The following ZDHHC19 variants were observed in gnomAD, a reference collection of about 807,000 sequenced individuals.
The protein encoded by ZDHHC19 is zDHHC palmitoyltransferase 19, also known as palmitoyltransferase ZDHHC19.
Under a neutral mutation model 33.9 loss-of-function variants are expected in ZDHHC19, and 30 were observed. The ratio of observed to expected loss-of-function variants is 0.88; its 90% CI spans 0.66 to 1.20. The LOEUF (loss-of-function observed/expected upper bound fraction) is 1.20, where lower values mean the gene tolerates loss of function less well. ZDHHC19 is among the 50% of genes most tolerant of loss of function. The pLI is 0.00. For synonymous variants in ZDHHC19, 178 were observed against 167.6 expected, an observed-to-expected ratio of 1.06 and a Z score of -0.48; for missense variants, 364 against 401.1, an observed-to-expected ratio of 0.91 and a Z score of 0.79.
chr3:196,200,327 G>GATATATATATATATAT (rs374551956), intron 5 of ZDHHC19, among the ~76,000 whole-genome samples: 7 of 116,792 alleles, frequency 6.0e-5, no homozygotes, highest in Admixed American at 9.0e-5. Context: ...AAAATTTAGG[G>GATATATATATATATAT]ATATATATAT....
Position 196,203,983 on chromosome 3 carries a change from C to G in ZDHHC19, c.687+3415G>C, listed in dbSNP as rs1722549708. On this transcript the variant is annotated intron_variant, in intron 5 of 7. Transcript: ENST00000296326. The surrounding 1 kb of genome is among the most constrained non-coding windows in gnomAD (Gnocchi z 4.3). ...TTTTCCTAGAACAGCCAGTGACCTG[C>G]TGAAGGAGTCTCATGGCGCGGATGT... Among the ~76,000 whole-genome samples, 1 of 149,514 alleles carries G rather than the reference C, an allele frequency of 6.7e-6. No individual in the cohort carries two copies. The highest frequency in any genetic ancestry group is 6.6e-5 in the Admixed American group (1 of 15,228).
In ZDHHC19 at chr3:196,203,898, C is replaced by T. The variant is rs928875195; in HGVS notation, c.687+3500G>A. 5.9e-5 allele frequency among the ~76,000 whole-genome samples: 9 copies of T among 152,068 alleles called. No homozygotes were observed. Among genetic ancestry groups the T allele is most frequent in the Non-Finnish European group, 7.4e-5 (5 of 68,000 alleles). On this transcript the variant is annotated intron_variant, in intron 5 of 7. Coordinates refer to ENST00000296326, the MANE Select transcript of ZDHHC19 (RefSeq NM_001039617.2). The surrounding 1 kb of genome is among the most constrained non-coding windows in gnomAD (Gnocchi z 4.3). ...TGGGAGGTGGTGGGCAGAGAGGGCGCCTGTGTCCTTCCAGCTGTCTGATAC... is the reference window on the plus strand; with the variant it reads ...TGGGAGGTGGTGGGCAGAGAGGGCGTCTGTGTCCTTCCAGCTGTCTGATAC...
intron 5 of ZDHHC19, among the ~76,000 whole-genome samples, chr3:196,205,308 C>T (rs868431020): frequency 1.3e-5 from 2 of 152,064 alleles, no homozygotes; most frequent in African/African-American, 4.8e-5. Flanking sequence ...AATGCAATAC[C>T]GTACGGCAAT....
intron 6 of ZDHHC19, 94 bp downstream of exon 6, chr3:196,198,695 G>A: frequency 1.2e-6 from 2 of 1,602,848 alleles, no homozygotes; most frequent in East Asian, 2.2e-5. Context: ...AACAGTGAGT[G>A]TAAGGGCCTG....
At chr3:196,198,133 T>G in intron 7 of ZDHHC19, 143 bp downstream of exon 7, 1 of 782,738 alleles carries the variant, frequency 1.3e-6, no homozygotes, top group Non-Finnish European at 1.8e-6. Context: ...GCCCCTCCAG[T>G]GTAGAACCCT....
intron 4 of ZDHHC19, 24 bp from the exon 5 acceptor site, chr3:196,207,527 T>A: frequency 2.0e-6 from 3 of 1,523,672 alleles, no homozygotes; most frequent in Admixed American, 4.0e-5. Context: ...GGAACCGGGC[T>A]GCGGGACCCC....
intron 3 of ZDHHC19, 31 bp downstream of exon 3, chr3:196,209,345 A>G (rs1306835355): frequency 6.4e-7 from 1 of 1,571,848 alleles, no homozygotes; most frequent in African/African-American, 1.4e-5. Context: ...ATGTGGGGCG[A>G]TGGCTGGTGG....
At chr3:196,205,348 C>G (rs1722651589) in intron 5 of ZDHHC19, among the ~76,000 whole-genome samples, 1 of 152,108 alleles carries the variant, frequency 6.6e-6, no homozygotes, top group Non-Finnish European at 1.5e-5. Context: ...CTATGAGCAA[C>G]AACATGAATG....
rs1428589983 is a variant in ZDHHC19 at position 196,198,787 on chromosome 3, AC to A, written c.773+1del. 6.2e-7 allele frequency: 1 copy of A among 1,613,892 alleles called. No individual in the cohort carries two copies. Among genetic ancestry groups the A allele is most frequent in the Non-Finnish European group, 8.5e-7 (1 of 1,179,962 alleles). On this transcript the variant is annotated splice_donor_variant, in intron 6 of 7. Transcript: ENST00000296326. LOFTEE classifies it high-confidence loss of function. Reference sequence around the variant, plus strand: ...AGTTGGGCCTCTGGCTTGCCAACTCACTTGGGTCCCAGTGGTGCACAAATTG... The same window carrying A: ...AGTTGGGCCTCTGGCTTGCCAACTCATTGGGTCCCAGTGGTGCACAAATTG...
intron 2 of ZDHHC19, 46 bp from the exon 3 acceptor site, chr3:196,209,561 C>T (rs371089413): frequency 1.3e-4 from 202 of 1,593,944 alleles, no homozygotes; most frequent in Non-Finnish European, 1.7e-4. Context: ...CCTGCGGTCA[C>T]CCCGCGGCGG....
At chr3:196,210,960 T>A (rs2108745677) in intron 1 of ZDHHC19, among the ~76,000 whole-genome samples, 1 of 151,912 alleles carries the variant, frequency 6.6e-6, no homozygotes, top group South Asian at 2.1e-4. Context: ...TCTGCGCCTT[T>A]GCACGTCGGT....
At position 196,203,499 on chromosome 3, in the gene ZDHHC19, A is replaced by G. The variant is rs1722517118; in HGVS notation, c.687+3899T>C. Among the ~76,000 whole-genome samples the G allele has an allele frequency of 6.6e-6, 1 of 152,174 alleles. No homozygotes were observed. Among genetic ancestry groups the G allele is most frequent in the Non-Finnish European group, 1.5e-5 (1 of 68,034 alleles). On this transcript the variant is annotated intron_variant, in intron 5 of 7. Coordinates refer to ENST00000296326, the MANE Select transcript of ZDHHC19 (RefSeq NM_001039617.2). This position sits in a 1 kb window ranked among gnomAD's most constrained non-coding sequence, Gnocchi z 4.3. ...ACTGGATCCAGAGACCTTGCTATCA[A>G]CCACAGGCAGAGTTGCAGCCCAGGG...
At position 196,201,108 on chromosome 3, in the gene ZDHHC19, T is replaced by TAAAA. The variant is rs1391526720; in HGVS notation, c.688-2235_688-2234insTTTT. The stretch of plus-strand genomic sequence containing the variant: ...TTTTTTTTGAGACGGAGTCTCACTG[T>TAAAA]GTCGCCCAGGCTGGAGTGCAGTGGC... On this transcript the variant is annotated intron_variant, in intron 5 of 7. Transcript: ENST00000296326. 3.3e-5 allele frequency among the ~76,000 whole-genome samples: 5 copies of TAAAA among 151,796 alleles called. 1 individual carries two copies. Among genetic ancestry groups the TAAAA allele is most frequent in the African/African-American group, 1.2e-4 (5 of 41,128 alleles).
At chr3:196,210,474 C>A (rs139707893) in intron 2 of ZDHHC19, 142 bp downstream of exon 2, 7 of 795,348 alleles carry the variant, frequency 8.8e-6, no homozygotes, top group Non-Finnish European at 1.1e-5. Flanking sequence ...AAAGAGTGAG[C>A]GAGGGCCAGA....
intron 5 of ZDHHC19, among the ~76,000 whole-genome samples, chr3:196,204,831 A>T (rs1722607786): frequency 1.3e-5 from 2 of 152,196 alleles, no homozygotes; most frequent in African/African-American, 4.8e-5. Flanking sequence ...TTCAGGCCGG[A>T]CACAGTGGCT....
chr3:196,206,731 G>C lies in ZDHHC19; in HGVS notation c.687+667C>G, dbSNP rs1380209127. Among the ~76,000 whole-genome samples the C allele has an allele frequency of 2.8e-5, 4 of 143,534 alleles. No homozygotes were observed. In the South Asian group the frequency reaches 8.7e-4, roughly 31 times the overall value. The allele number at this position is 143,534 out of a possible 152,430, so 94.2% of individuals were successfully genotyped here. Reference sequence around the variant, plus strand: ...GAGTCTCGCTCTGCTGCCCAGGCTGGAGTGCATGGTACGATCTGGGCTCAC... The same window carrying C: ...GAGTCTCGCTCTGCTGCCCAGGCTGCAGTGCATGGTACGATCTGGGCTCAC... On this transcript the variant is annotated intron_variant, in intron 5 of 7. Transcript: ENST00000296326.
chr3:196,200,349 TATATATATAA>T (rs1224003470), intron 5 of ZDHHC19, among the ~76,000 whole-genome samples: 1,073 of 79,452 alleles, frequency 0.014, 33 homozygotes, highest in African/African-American at 0.045. Flanking sequence ...TATATGTATA[TATATATATAA>T]TTTTTTTTTT....
chr3:196,198,548 T>C (rs56699931), intron 6 of ZDHHC19, 97 bp from the exon 7 acceptor site: 109,063 of 1,563,286 alleles, frequency 0.07, 4,670 homozygotes, highest in African/African-American at 0.19. Flanking sequence ...AGGGCTTAGC[T>C]CTGCAGGAAG....
intron 5 of ZDHHC19, among the ~76,000 whole-genome samples, chr3:196,204,844 C>T (rs1012910856): frequency 5.3e-5 from 8 of 152,196 alleles, no homozygotes; most frequent in East Asian, 1.9e-4. Context: ...CAGTGGCTCA[C>T]GCCTATAATC....
Sources: allele counts gnomAD v4.1 joint callset (sites outside exome capture counted in the v4.1 genomes callset), GRCh38; gene constraint gnomAD v4.1.1; non-coding constraint Gnocchi (gnomAD v3.1); transcripts MANE v1.5; gene names NCBI Gene and HGNC (gene_info 2026-07-23, HGNC 2026-07-21).